The following SUPT3H variants were observed in gnomAD, a reference collection of about 807,000 sequenced individuals.
SUPT3H encodes SPT3 homolog, SAGA and STAGA complex component.
A neutral mutation model predicts 44.3 loss-of-function variants in SUPT3H; 44 were observed. The ratio of observed to expected loss-of-function variants is 0.99; its 90% CI spans 0.78 to 1.28. SUPT3H has a LOEUF of 1.28. Ranked by LOEUF, SUPT3H falls within the 50% of genes most tolerant of loss-of-function variation. The pLI is 0.00. For synonymous variants in SUPT3H, 124 were observed against 125.6 expected (o/e 0.99, Z 0.09); for missense variants, 380 against 387.1 (o/e 0.98, Z 0.15).
chr6:44,885,277 ATG>A (rs1778976129), intron 10 of SUPT3H, among the ~76,000 whole-genome samples: 1 of 152,186 alleles, frequency 6.6e-6, no homozygotes, highest in Admixed American at 6.5e-5. Context: ...TTCTCCCAGC[ATG>A]CAGCTGGAGA....
intron 3 of SUPT3H, among the ~76,000 whole-genome samples, chr6:45,084,312 C>T (rs1583453499): frequency 6.6e-6 from 1 of 151,982 alleles, no homozygotes; most frequent in South Asian, 2.1e-4. Flanking sequence ...ACAAATGATC[C>T]CATTAAAAAG....
At chr6:45,208,282 A>G (rs993844353) in intron 2 of SUPT3H, among the ~76,000 whole-genome samples, 1 of 152,220 alleles carries the variant, frequency 6.6e-6, no homozygotes, top group African/African-American at 2.4e-5. Context: ...AAAAGTTAGA[A>G]ACTGGCAGAT....
intron 2 of SUPT3H, among the ~76,000 whole-genome samples, chr6:45,360,669 A>G (rs571558386): frequency 6.6e-6 from 1 of 152,338 alleles, no homozygotes; most frequent in African/African-American, 2.4e-5. Flanking sequence ...CAATGAATAA[A>G]TGGTCATTGC....
chr6:45,221,584 C>T (rs1207769151), intron 2 of SUPT3H, among the ~76,000 whole-genome samples: 4 of 152,142 alleles, frequency 2.6e-5, no homozygotes, highest in Admixed American at 2.0e-4. Flanking sequence ...ATCAGACAAC[C>T]TAAATAAATG....
chr6:45,037,342 A>AC (rs1455113455), intron 3 of SUPT3H, among the ~76,000 whole-genome samples: 1 of 151,944 alleles, frequency 6.6e-6, no homozygotes, highest in Non-Finnish European at 1.5e-5. Flanking sequence ...AAGTAGATGA[A>AC]CATAATGATA....
intron 2 of SUPT3H, among the ~76,000 whole-genome samples, chr6:45,320,114 G>T (rs1033447197): frequency 6.6e-6 from 1 of 151,794 alleles, no homozygotes; most frequent in Non-Finnish European, 1.5e-5. Flanking sequence ...CCATAGACAC[G>T]ATCTTTCACG....
At chr6:44,945,739 C>G (rs12110374) in intron 9 of SUPT3H, among the ~76,000 whole-genome samples, 294 of 152,240 alleles carry the variant, frequency 1.9e-3, no homozygotes, top group African/African-American at 4.3e-3. Flanking sequence ...AAGAAGCCAT[C>G]TCTATAATAT....
At chr6:45,118,934 A>G (rs1375974909) in intron 2 of SUPT3H, among the ~76,000 whole-genome samples, 5 of 152,184 alleles carry the variant, frequency 3.3e-5, no homozygotes, top group Non-Finnish European at 5.9e-5. Context: ...CACTGCCATG[A>G]AAGTATGACA....
At chr6:45,274,577 C>G (rs1320842868) in intron 2 of SUPT3H, among the ~76,000 whole-genome samples, 1 of 152,138 alleles carries the variant, frequency 6.6e-6, no homozygotes, top group Non-Finnish European at 1.5e-5. Flanking sequence ...ATTTCAGAAC[C>G]TTTATCAAAA....
At chr6:44,896,116 CTGTGTAGA>C (rs1456927910) in intron 10 of SUPT3H, among the ~76,000 whole-genome samples, 5 of 152,078 alleles carry the variant, frequency 3.3e-5, no homozygotes, top group Non-Finnish European at 7.4e-5. Flanking sequence ...AGGGGTCCAG[CTGTGTAGA>C]TGCTGTGCTA....
intron 2 of SUPT3H, among the ~76,000 whole-genome samples, chr6:45,192,982 A>G (rs1815392473): frequency 6.6e-6 from 1 of 152,168 alleles, no homozygotes; most frequent in Non-Finnish European, 1.5e-5. Context: ...CAGCCCGCCC[A>G]AATTTTCTAC....
intron 2 of SUPT3H, among the ~76,000 whole-genome samples, chr6:45,126,241 G>C (rs1349803063): frequency 6.6e-6 from 1 of 152,220 alleles, no homozygotes; most frequent in African/African-American, 2.4e-5. Flanking sequence ...ATGTGGCTGT[G>C]TACAGGGCCT....
intron 3 of SUPT3H, among the ~76,000 whole-genome samples, chr6:45,032,657 C>T (rs988807062): frequency 1.3e-5 from 2 of 152,126 alleles, no homozygotes; most frequent in African/African-American, 2.4e-5. Context: ...AAGCAAACAG[C>T]GTAGAGAAGA....
At chr6:45,124,416 G>A (rs570190897) in intron 2 of SUPT3H, among the ~76,000 whole-genome samples, 1 of 152,190 alleles carries the variant, frequency 6.6e-6, no homozygotes, top group East Asian at 1.9e-4. Flanking sequence ...GGCCGAGGCA[G>A]GTGAATTACT....
At chr6:45,308,764 A>T (rs889401039) in intron 2 of SUPT3H, among the ~76,000 whole-genome samples, 1 of 152,044 alleles carries the variant, frequency 6.6e-6, no homozygotes, top group African/African-American at 2.4e-5. Context: ...TTTAAAAAAA[A>T]AAAAGTCAAA....
chr6:45,129,054 A>G (rs556764966), intron 2 of SUPT3H, among the ~76,000 whole-genome samples: 2 of 152,222 alleles, frequency 1.3e-5, no homozygotes, highest in Non-Finnish European at 1.5e-5. Flanking sequence ...TTGTCCAATA[A>G]GCAAAAGCTT....
intron 3 of SUPT3H, among the ~76,000 whole-genome samples, chr6:45,096,565 T>G (rs1163785097): frequency 6.6e-6 from 1 of 152,006 alleles, no homozygotes; most frequent in Non-Finnish European, 1.5e-5. Context: ...ATGCATTAGA[T>G]GAGAGGATAT....
intron 3 of SUPT3H, among the ~76,000 whole-genome samples, chr6:45,062,828 T>A (rs1792393854): frequency 1.3e-5 from 2 of 152,200 alleles, no homozygotes; most frequent in South Asian, 2.1e-4. Context: ...GGAGTCTCCC[T>A]GATTGCTAGC....
At chr6:44,865,917 C>A (rs1265250715) in intron 10 of SUPT3H, among the ~76,000 whole-genome samples, 1 of 152,130 alleles carries the variant, frequency 6.6e-6, no homozygotes, top group Non-Finnish European at 1.5e-5. Flanking sequence ...AGACCTGAGT[C>A]TGCTAAAATA....
Sources: gnomAD v4.1 joint callset for allele counts (sites outside exome capture counted in the v4.1 genomes callset) on GRCh38, gnomAD v4.1.1 for gene constraint, MANE v1.5 for transcripts, NCBI Gene and HGNC (gene_info 2026-07-23, HGNC 2026-07-21) for gene names.